KCNH7: variants seen among roughly 807,000 people sequenced by gnomAD.
KCNH7 encodes potassium voltage-gated channel subfamily H member 7.
In KCNH7, 49 loss-of-function variants were observed where a neutral mutation model predicts 120.8. The ratio of observed to expected loss-of-function variants is 0.41; its 90% CI spans 0.32 to 0.51. The LOEUF is 0.51. KCNH7 is among the 20% of genes least tolerant of loss of function. The pLI is 0.38. For synonymous variants in KCNH7, 547 were observed against 516.1 expected, an observed-to-expected ratio of 1.06 and a Z score of -0.81; for missense variants, 1,097 against 1,446.6, an observed-to-expected ratio of 0.76 and a Z score of 3.92.
intron 2 of KCNH7, among the ~76,000 whole-genome samples, chr2:162,649,798 G>A (rs913111084): frequency 6.6e-6 from 1 of 152,102 alleles, no homozygotes; most frequent in African/African-American, 2.4e-5. Flanking sequence ...TGTTGGGTCA[G>A]TAACCGAGTA....
chr2:162,447,415 G>A (rs903885250), intron 6 of KCNH7, among the ~76,000 whole-genome samples: 2 of 152,074 alleles, frequency 1.3e-5, no homozygotes, highest in South Asian at 4.1e-4. Context: ...TGGGTAAAAT[G>A]TAAGCCTTAA....
At chr2:162,702,343 A>C (rs933063582) in intron 2 of KCNH7, among the ~76,000 whole-genome samples, 6 of 152,272 alleles carry the variant, frequency 3.9e-5, no homozygotes, top group Non-Finnish European at 8.8e-5. Flanking sequence ...GCACAGATAA[A>C]CCACAGTAGT....
chr2:162,724,671 C>CAAAAAAAAAAAA (rs71009368), intron 2 of KCNH7, among the ~76,000 whole-genome samples: 1 of 123,918 alleles, frequency 8.1e-6, no homozygotes, highest in African/African-American at 3.2e-5. Flanking sequence ...GACTCCGTCT[C>CAAAAAAAAAAAA]AAAAAAAAAA....
In KCNH7 at chr2:162,694,351, TCTACC is replaced by T. The variant is rs376790443; in HGVS notation, c.307+142181_307+142185del. Among the ~76,000 whole-genome samples, 63 of 152,286 alleles carry T rather than the reference TCTACC, an allele frequency of 4.1e-4. 1 individual carries two copies. The East Asian group carries it at 0.011, about 26-fold the overall frequency. Reference sequence around the variant, plus strand: ...TAACTCCGAACTCAGACTGTTCTCCTCTACCCTAACAGCTCAGCTTTAAATAGTTC... The same window carrying T: ...TAACTCCGAACTCAGACTGTTCTCCTCTAACAGCTCAGCTTTAAATAGTTC... On this transcript the variant is annotated intron_variant, in intron 2 of 15. Transcript: ENST00000332142.
At chr2:162,641,236 C>T (rs958219415) in intron 2 of KCNH7, among the ~76,000 whole-genome samples, 1 of 152,170 alleles carries the variant, frequency 6.6e-6, no homozygotes, top group African/African-American at 2.4e-5. Flanking sequence ...TTATAATAGC[C>T]AAAACCCATA....
At chr2:162,635,825 T>C (rs1223979573) in intron 2 of KCNH7, among the ~76,000 whole-genome samples, 1 of 152,098 alleles carries the variant, frequency 6.6e-6, no homozygotes, top group African/African-American at 2.4e-5. Flanking sequence ...ACCCTGTTGT[T>C]TTCTCACACA....
At chr2:162,669,967 G>A (rs1306846844) in intron 2 of KCNH7, among the ~76,000 whole-genome samples, 1 of 151,984 alleles carries the variant, frequency 6.6e-6, no homozygotes, top group Non-Finnish European at 1.5e-5. Context: ...AGGTGTGGTG[G>A]AGCGTGCCTG....
chr2:162,700,152 G>A (rs1188152218), intron 2 of KCNH7, among the ~76,000 whole-genome samples: 1 of 151,954 alleles, frequency 6.6e-6, no homozygotes, highest in African/African-American at 2.4e-5. Flanking sequence ...AATAAATAAA[G>A]GCATTCAGGA....
chr2:162,475,551 C>G (rs972205524), intron 6 of KCNH7, among the ~76,000 whole-genome samples: 2 of 152,218 alleles, frequency 1.3e-5, no homozygotes, highest in African/African-American at 4.8e-5. Flanking sequence ...TACAGTACAG[C>G]CAAGTGACTG....
chr2:162,800,177 C>A (rs1369387551), intron 2 of KCNH7, among the ~76,000 whole-genome samples: 1 of 151,406 alleles, frequency 6.6e-6, no homozygotes, highest in African/African-American at 2.4e-5. Context: ...GAACTTAAAC[C>A]CGGATAGAAA....
chr2:162,778,881 G>A (rs954538706), intron 2 of KCNH7, among the ~76,000 whole-genome samples: 4 of 151,368 alleles, frequency 2.6e-5, no homozygotes, highest in Non-Finnish European at 4.4e-5. Flanking sequence ...TGAGTTATAC[G>A]CATTTACTAC....
chr2:162,431,512 C>T (rs920986589), intron 8 of KCNH7, among the ~76,000 whole-genome samples: 3 of 151,806 alleles, frequency 2.0e-5, no homozygotes, highest in African/African-American at 7.2e-5. Flanking sequence ...AATTTCAAGT[C>T]TTAATTTTAC....
chr2:162,750,439 T>C (rs983187652), intron 2 of KCNH7, among the ~76,000 whole-genome samples: 1 of 152,118 alleles, frequency 6.6e-6, no homozygotes, highest in Non-Finnish European at 1.5e-5. Context: ...AAGAATAACA[T>C]GATTTTAGAA....
chr2:162,623,768 G>T (rs1256525984), intron 2 of KCNH7, among the ~76,000 whole-genome samples: 1 of 152,188 alleles, frequency 6.6e-6, no homozygotes, highest in Non-Finnish European at 1.5e-5. Context: ...TCTTTGAGCA[G>T]TGAATGCGCC....
intron 2 of KCNH7, among the ~76,000 whole-genome samples, chr2:162,611,791 C>G (rs150619774): frequency 1.5e-3 from 228 of 152,264 alleles, no homozygotes; most frequent in African/African-American, 5.1e-3. Flanking sequence ...GAGACACCAG[C>G]AACTGAGTAG....
chr2:162,744,387 C>G (rs921726765), intron 2 of KCNH7, among the ~76,000 whole-genome samples: 11 of 151,940 alleles, frequency 7.2e-5, no homozygotes, highest in Non-Finnish European at 1.0e-4. Flanking sequence ...AACAGCCTTT[C>G]TTTTCCCTCA....
At chr2:162,796,903 A>T (rs1480259410) in intron 2 of KCNH7, 1 of 151,956 alleles carries the variant, frequency 6.6e-6, no homozygotes, top group African/African-American at 2.4e-5. Context: ...CGAGGGTCTC[A>T]GAAAACATCT....
At chr2:162,571,340 G>A (rs555789424) in intron 2 of KCNH7, among the ~76,000 whole-genome samples, 32 of 152,114 alleles carry the variant, frequency 2.1e-4, no homozygotes, top group African/African-American at 7.2e-4. Flanking sequence ...ACTTACAAGG[G>A]ATGTGAAGGA....
At chr2:162,661,401 G>A (rs1684953616) in intron 2 of KCNH7, among the ~76,000 whole-genome samples, 1 of 152,250 alleles carries the variant, frequency 6.6e-6, no homozygotes, top group South Asian at 2.1e-4. Context: ...TAAACAGAAA[G>A]TGGGGTATTG....
Sources: allele counts gnomAD v4.1 joint callset (sites outside exome capture counted in the v4.1 genomes callset), GRCh38; gene constraint gnomAD v4.1.1; transcripts MANE v1.5; gene names NCBI Gene and HGNC (gene_info 2026-07-23, HGNC 2026-07-21).